The following CTDSPL variants were observed in gnomAD, a reference collection of about 807,000 sequenced individuals.
The protein encoded by CTDSPL is CTD small phosphatase-like protein.
Under a neutral mutation model 30.5 loss-of-function variants are expected in CTDSPL, and 8 were observed. The observed-to-expected ratio is 0.26, with a 90% CI of 0.15 to 0.47. The LOEUF (loss-of-function observed/expected upper bound fraction) is 0.47, where lower values mean the gene tolerates loss of function less well. Ranked by LOEUF, CTDSPL falls within the 20% of genes least tolerant of loss-of-function variation. The pLI, the probability that CTDSPL is intolerant of heterozygous loss-of-function variation, is 0.99. For synonymous variants in CTDSPL, 110 were observed against 137.9 expected (o/e 0.80, Z 1.42); for missense variants, 248 against 366.1 (o/e 0.68, Z 2.63).
chr3:37,887,195 A>G (rs879844985), intron 1 of CTDSPL, among the ~76,000 whole-genome samples: 2 of 152,146 alleles, frequency 1.3e-5, no homozygotes, highest in Admixed American at 6.5e-5. Context: ...GCATACTGTG[A>G]CACAATATTG....
At position 37,969,781 on chromosome 3, in the gene CTDSPL, C is replaced by T. The variant is rs537998449; in HGVS notation, c.427-1626C>T. ...ACGACATCCTGTTCCTCCAGCCCCTCGCTCCACCCTCAGCCACAAATCCAT... is the reference window on the plus strand; with the variant it reads ...ACGACATCCTGTTCCTCCAGCCCCTTGCTCCACCCTCAGCCACAAATCCAT... On this transcript the variant is annotated intron_variant, in intron 5 of 7. Coordinates refer to ENST00000273179, the MANE Select transcript of CTDSPL (RefSeq NM_001008392.2). 1.7e-4 allele frequency among the ~76,000 whole-genome samples: 26 copies of T among 152,336 alleles called. 1 individual carries two copies. The South Asian group carries it at 4.3e-3, about 25-fold the overall frequency.
intron 1 of CTDSPL, among the ~76,000 whole-genome samples, chr3:37,937,093 C>T (rs1254200121): frequency 1.3e-5 from 2 of 150,172 alleles, no homozygotes; most frequent in South Asian, 2.1e-4. Flanking sequence ...GACATCAGTC[C>T]AAAACCAGGC....
intron 1 of CTDSPL, among the ~76,000 whole-genome samples, chr3:37,901,264 C>T (rs1053119957): frequency 2.6e-5 from 4 of 152,150 alleles, no homozygotes; most frequent in African/African-American, 9.7e-5. Flanking sequence ...GACCTGGGTC[C>T]AGGTCAAGAA....
At chr3:37,891,429 G>A (rs569509499) in intron 1 of CTDSPL, among the ~76,000 whole-genome samples, 11 of 152,270 alleles carry the variant, frequency 7.2e-5, no homozygotes, top group East Asian at 3.9e-4. Flanking sequence ...CTACTCCTAC[G>A]CACAGGTGTG....
intron 5 of CTDSPL, chr3:37,968,469 C>G (rs1293019661): frequency 4.5e-6 from 1 of 220,058 alleles, no homozygotes; most frequent in African/African-American, 2.3e-5. Context: ...TTTTCCTTAT[C>G]TGCATAAAGC....
Position 37,967,015 on chromosome 3 carries a change from A to G in CTDSPL, c.370-811A>G, listed in dbSNP as rs144602166. Reference sequence around the variant, plus strand: ...AGAACGTAATGACTGCTGAAGAATCATATTTGAATTTTAAATGTCATTAAT... The same window carrying G: ...AGAACGTAATGACTGCTGAAGAATCGTATTTGAATTTTAAATGTCATTAAT... On this transcript the variant is annotated intron_variant, in intron 4 of 7. Transcript: ENST00000273179. Among the ~76,000 whole-genome samples the G allele has an allele frequency of 1.5e-3, 231 of 152,368 alleles. 1 individual carries two copies. Among genetic ancestry groups the G allele is most frequent in the African/African-American group, 5.3e-3 (220 of 41,584 alleles).
chr3:37,965,507 T>G (rs2125631035), intron 4 of CTDSPL, among the ~76,000 whole-genome samples: 1 of 152,324 alleles, frequency 6.6e-6, no homozygotes, highest in East Asian at 1.9e-4. Context: ...GATTCTGGTC[T>G]TGTTTTCCTT....
chr3:37,982,903 C>T lies in CTDSPL; in HGVS notation c.*2036C>T. The T allele has an allele frequency of 3.6e-6, 1 of 274,730 alleles. No homozygotes were observed. The highest frequency in any genetic ancestry group is 3.3e-5 in the South Asian group (1 of 29,986). 17.0% of individuals were successfully genotyped at this position (274,730 alleles called of 1,614,324 possible). The stretch of plus-strand genomic sequence containing the variant: ...ACACAGAATTAGGCCCTAATGAGAG[C>T]CTTAGACCCTCAACCATGCCCCCTT... On this transcript the variant is annotated 3_prime_UTR_variant, in exon 8 of 8. Transcript: ENST00000273179.
intron 1 of CTDSPL, among the ~76,000 whole-genome samples, chr3:37,927,037 C>T (rs1698789132): frequency 6.6e-6 from 1 of 152,170 alleles, no homozygotes; most frequent in African/African-American, 2.4e-5. Flanking sequence ...GGTAATGGTA[C>T]AGGCTGAGTA....
intron 1 of CTDSPL, among the ~76,000 whole-genome samples, chr3:37,922,236 AG>A (rs1403690807): frequency 6.6e-6 from 1 of 151,824 alleles, no homozygotes; most frequent in African/African-American, 2.4e-5. Context: ...CTCTGTCTCA[AG>A]GAAAAAAAAA....
At chr3:37,912,167 T>A (rs9311166) in intron 1 of CTDSPL, among the ~76,000 whole-genome samples, 37,878 of 152,170 alleles carry the variant, frequency 0.25, 6,429 homozygotes, top group African/African-American at 0.48. Context: ...TGAGGGGACC[T>A]AACCTCCTTT....
At chr3:37,936,280 A>G (rs1040365287) in intron 1 of CTDSPL, among the ~76,000 whole-genome samples, 3 of 152,208 alleles carry the variant, frequency 2.0e-5, no homozygotes, top group African/African-American at 7.2e-5. Flanking sequence ...TCATGGAAAT[A>G]GGAGAAGGAC....
At chr3:37,947,970 G>A (rs1699058576) in intron 2 of CTDSPL, among the ~76,000 whole-genome samples, 2 of 152,212 alleles carry the variant, frequency 1.3e-5, no homozygotes, top group Admixed American at 1.3e-4. Flanking sequence ...CTGAAACAAA[G>A]TTACTCAGAA....
At chr3:37,927,033 G>A (rs1698789086) in intron 1 of CTDSPL, among the ~76,000 whole-genome samples, 1 of 152,128 alleles carries the variant, frequency 6.6e-6, no homozygotes, top group Non-Finnish European at 1.5e-5. Context: ...TGGGGGTAAT[G>A]GTACAGGCTG....
At chr3:37,979,354 G>A (rs570468313) in intron 7 of CTDSPL, among the ~76,000 whole-genome samples, 1 of 151,758 alleles carries the variant, frequency 6.6e-6, no homozygotes, top group African/African-American at 2.4e-5. Context: ...TGTAATCCTA[G>A]CACTTTGGGA....
At chr3:37,976,846 CA>C (rs1345290937) in intron 7 of CTDSPL, among the ~76,000 whole-genome samples, 2 of 151,972 alleles carry the variant, frequency 1.3e-5, no homozygotes, top group Non-Finnish European at 2.9e-5. Flanking sequence ...CTGACACTTC[CA>C]GGGGAAAAGA....
At chr3:37,912,337 AT>A (rs1698593449) in intron 1 of CTDSPL, among the ~76,000 whole-genome samples, 1 of 152,162 alleles carries the variant, frequency 6.6e-6, no homozygotes, top group Non-Finnish European at 1.5e-5. Context: ...AAGTAACAGG[AT>A]TTGTAGTACC....
chr3:37,878,031 C>T (rs1698158423), intron 1 of CTDSPL, among the ~76,000 whole-genome samples: 1 of 152,178 alleles, frequency 6.6e-6, no homozygotes, highest in South Asian at 2.1e-4. Flanking sequence ...CTGTTTTCCA[C>T]AGCATTCCCA....
chr3:37,884,356 A>G (rs1698241003), intron 1 of CTDSPL, among the ~76,000 whole-genome samples: 1 of 152,168 alleles, frequency 6.6e-6, no homozygotes, highest in South Asian at 2.1e-4. Flanking sequence ...CATCAATATA[A>G]ATGAATATGT....
Sources: allele counts gnomAD v4.1 joint callset (sites outside exome capture counted in the v4.1 genomes callset), GRCh38; gene constraint gnomAD v4.1.1; transcripts MANE v1.5; gene names NCBI Gene and HGNC (gene_info 2026-07-23, HGNC 2026-07-21).